TCERG1: variants seen among roughly 807,000 people sequenced by gnomAD.
TCERG1 encodes the protein TATA box binding protein (TBP)-associated factor, RNA polymerase II, S, 150kD.
In TCERG1, 37 loss-of-function variants were observed where a neutral mutation model predicts 144.7. The observed-to-expected ratio is 0.26, with a 90% CI of 0.20 to 0.34. The LOEUF is 0.34. Ranked by LOEUF, TCERG1 falls within the 10% of genes least tolerant of loss-of-function variation. The probability of loss-of-function intolerance (pLI) is 1.00; values close to 1 mark genes in which losing one functional copy is unlikely to be tolerated. For synonymous variants in TCERG1, 492 were observed against 458.2 expected, an observed-to-expected ratio of 1.07 and a Z score of -0.94; for missense variants, 1,027 against 1,380.7, an observed-to-expected ratio of 0.74 and a Z score of 4.06.
chr5:146,504,515 C>G (rs1223587081), intron 19 of TCERG1: 2 of 152,304 alleles, frequency 1.3e-5, no homozygotes, highest in African/African-American at 4.8e-5. Flanking sequence ...TTTTTTGTCC[C>G]TACAGTGAAT....
intron 19 of TCERG1, 88 bp downstream of exon 19, chr5:146,504,094 T>C (rs1329960283): frequency 8.2e-7 from 1 of 1,217,930 alleles, no homozygotes; most frequent in Admixed American, 3.5e-5. Context: ...TAATGTTCTT[T>C]AATTCTGAGG....
intron 5 of TCERG1, among the ~76,000 whole-genome samples, chr5:146,465,004 A>G (rs1004293928): frequency 1.3e-5 from 2 of 152,206 alleles, no homozygotes; most frequent in African/African-American, 4.8e-5. Context: ...AGATAATTAA[A>G]TGCCCATTAT....
chr5:146,474,588 C>CT (rs1764653672), intron 9 of TCERG1, among the ~76,000 whole-genome samples: 1 of 152,110 alleles, frequency 6.6e-6, no homozygotes, highest in Non-Finnish European at 1.5e-5. Flanking sequence ...ACAGAGAAAT[C>CT]TTTTGCGAAA....
intron 1 of TCERG1, among the ~76,000 whole-genome samples, chr5:146,454,618 G>A (rs1053845423): frequency 6.6e-6 from 1 of 151,656 alleles, no homozygotes; most frequent in Non-Finnish European, 1.5e-5. Context: ...TGTTTTTTGA[G>A]ATGGAGCCTT....
At chr5:146,466,901 A>G (rs1280306990) in intron 5 of TCERG1, among the ~76,000 whole-genome samples, 1 of 152,224 alleles carries the variant, frequency 6.6e-6, no homozygotes, top group African/African-American at 2.4e-5. Flanking sequence ...TCGTATATTC[A>G]TAAGAATTGA....
chr5:146,480,852 A>G (rs1561673051), intron 12 of TCERG1, among the ~76,000 whole-genome samples: 1 of 152,126 alleles, frequency 6.6e-6, no homozygotes, highest in African/African-American at 2.4e-5. Context: ...CATAAAAGAT[A>G]TGAAAGAATC....
At chr5:146,485,996 T>C (rs542700975) in intron 15 of TCERG1, among the ~76,000 whole-genome samples, 8 of 152,142 alleles carry the variant, frequency 5.3e-5, no homozygotes, top group Non-Finnish European at 1.0e-4. Context: ...CGCCTGGCCT[T>C]TCATGGCTTT....
chr5:146,482,823 T>A (rs1257589912), intron 14 of TCERG1, 96 bp downstream of exon 14: 1 of 1,354,700 alleles, frequency 7.4e-7, no homozygotes, highest in Non-Finnish European at 9.6e-7. Context: ...GTGCTCATGT[T>A]ATGGGGGGGG....
At chr5:146,491,225 G>C (rs1180671090) in intron 15 of TCERG1, among the ~76,000 whole-genome samples, 1 of 151,636 alleles carries the variant, frequency 6.6e-6, no homozygotes, top group Non-Finnish European at 1.5e-5. Context: ...GAGCTCAAAT[G>C]ATCCTCCTGC....
intron 16 of TCERG1, among the ~76,000 whole-genome samples, chr5:146,495,990 TA>T (rs1283578909): frequency 6.6e-6 from 1 of 152,030 alleles, no homozygotes; most frequent in Non-Finnish European, 1.5e-5. Context: ...CCATCTCTAC[TA>T]AAAATACAAA....
At chr5:146,471,239 T>A (rs1231827342) in intron 8 of TCERG1, among the ~76,000 whole-genome samples, 1 of 152,228 alleles carries the variant, frequency 6.6e-6, no homozygotes, top group Non-Finnish European at 1.5e-5. Context: ...GTTCTCCATA[T>A]CTGCTCCTAA....
intron 21 of TCERG1, 108 bp downstream of exon 21, chr5:146,508,064 T>A (rs1768163999): frequency 1.6e-6 from 1 of 633,802 alleles, no homozygotes; most frequent in Non-Finnish European, 2.6e-6. Context: ...TTAAGTGAAT[T>A]ACTTTTAAGT....
intron 5 of TCERG1, among the ~76,000 whole-genome samples, chr5:146,466,039 G>T (rs867952570): frequency 3.7e-5 from 5 of 134,524 alleles, no homozygotes; most frequent in African/African-American, 5.6e-5. Flanking sequence ...AAAAAAAAAA[G>T]ATATATTAGC....
At chr5:146,510,259 C>T (rs1768351914) in intron 22 of TCERG1, 182 bp from the exon 23 acceptor site, 2 of 679,906 alleles carry the variant, frequency 2.9e-6, no homozygotes, top group Non-Finnish European at 4.7e-6. Flanking sequence ...GGCCCTTTCA[C>T]TCCTTGGAGT....
intron 17 of TCERG1, chr5:146,499,837 T>C (rs764427634): frequency 2.0e-5 from 3 of 152,238 alleles, no homozygotes; most frequent in Non-Finnish European, 4.4e-5. Context: ...GGATAGACTT[T>C]ACAGTTTTGT....
intron 15 of TCERG1, among the ~76,000 whole-genome samples, chr5:146,488,235 A>G (rs573889985): frequency 2.6e-5 from 4 of 152,168 alleles, no homozygotes; most frequent in Non-Finnish European, 5.9e-5. Context: ...AGCAAGAATA[A>G]ACAAATGGGG....
intron 5 of TCERG1, among the ~76,000 whole-genome samples, chr5:146,468,015 G>C (rs1347480436): frequency 6.6e-6 from 1 of 152,178 alleles, no homozygotes; most frequent in Non-Finnish European, 1.5e-5. Flanking sequence ...TTGATGTCCT[G>C]TGGGAAAATG....
At chr5:146,505,442 C>G (rs1040207991) in intron 19 of TCERG1, 1 of 150,890 alleles carries the variant, frequency 6.6e-6, no homozygotes, top group East Asian at 2.0e-4. Context: ...TTGTTCATTT[C>G]TTACCTCCCA....
rs752331696 is a variant in TCERG1 at position 146,498,667 on chromosome 5, C to G, written c.2414C>G (p.Ser805Trp). Residue 805 changes from serine to tryptophan, a missense_variant, in exon 17 of 23, where the codon TCG (serine) becomes TGG (tryptophan). Ser to Trp is a radical substitution (Grantham distance 177). This residue lies in a region of TCERG1 where 482 missense variants were observed against 632.6 expected (regional missense o/e 0.76). Coordinates refer to ENST00000679501, the MANE Select transcript of TCERG1 (RefSeq NM_001382548.1). ...AAARKKEKED[S>W]KTRGEKIKSD... is the part of the protein sequence containing the mutation. ...GCTAGGAAGAAAGAGAAAGAAGATT[C>G]GAAGACCAGAGGTGAGAAGGTAAGA... is the stretch of plus-strand genomic sequence containing the variant. The G allele has an allele frequency of 1.2e-6, 2 of 1,610,586 alleles. No individual in the cohort carries two copies. Among genetic ancestry groups the G allele is most frequent in the South Asian group, 1.1e-5 (1 of 90,466 alleles).
Sources: gnomAD v4.1 joint callset for allele counts (sites outside exome capture counted in the v4.1 genomes callset) on GRCh38, gnomAD v4.1.1 for gene constraint, gnomAD v4.1.1 regional missense constraint, MANE v1.5 for transcripts, NCBI Gene and HGNC (gene_info 2026-07-23, HGNC 2026-07-21) for gene names.